Variants in SCFD2 observed in about 807,000 individuals in gnomAD.
SCFD2 encodes sec1 family domain-containing protein 2.
A neutral mutation model predicts 58.9 loss-of-function variants in SCFD2; 54 were observed. That is an observed-to-expected ratio of 0.92 (90% CI 0.74 to 1.15). SCFD2 has a LOEUF of 1.15. Among genes scored for constraint, SCFD2 ranks in the 50% most tolerant of loss-of-function variants. The pLI, the probability that SCFD2 is intolerant of heterozygous loss-of-function variation, is 0.00. For synonymous variants in SCFD2, 321 were observed against 335.9 expected (o/e 0.96, Z 0.49); for missense variants, 805 against 836.6 (o/e 0.96, Z 0.47).
chr4:53,258,577 T>C (rs7683382), intron 4 of SCFD2, among the ~76,000 whole-genome samples: 22,751 of 119,284 alleles, frequency 0.19, 2,765 homozygotes, highest in South Asian at 0.31. Flanking sequence ...TATATATATA[T>C]ACACACACAT....
chr4:53,034,811 A>T (rs574260065), intron 5 of SCFD2, among the ~76,000 whole-genome samples: 1 of 152,350 alleles, frequency 6.6e-6, no homozygotes, highest in Admixed American at 6.5e-5. Flanking sequence ...ACCACTGCTC[A>T]ACGAAATAAA....
chr4:53,252,003 A>G (rs1473508044), intron 4 of SCFD2, among the ~76,000 whole-genome samples: 1 of 152,168 alleles, frequency 6.6e-6, no homozygotes, highest in Non-Finnish European at 1.5e-5. Flanking sequence ...TCAGCCCAAA[A>G]TCTCCTTCAG....
intron 2 of SCFD2, among the ~76,000 whole-genome samples, chr4:53,329,596 C>T (rs1357629982): frequency 1.3e-5 from 2 of 151,922 alleles, no homozygotes; most frequent in East Asian, 1.9e-4. Flanking sequence ...CCCATCTGTA[C>T]ATCACCATCA....
At chr4:53,326,794 T>C (rs1417190076) in intron 2 of SCFD2, among the ~76,000 whole-genome samples, 1 of 152,206 alleles carries the variant, frequency 6.6e-6, no homozygotes, top group Non-Finnish European at 1.5e-5. Context: ...GTTAGCAAGT[T>C]GATTTTCATA....
chr4:53,002,260 T>C lies in SCFD2; in HGVS notation c.1562-81390A>G, dbSNP rs182671673. On this transcript the variant is annotated intron_variant, in intron 5 of 8. Coordinates refer to ENST00000401642, the MANE Select transcript of SCFD2 (RefSeq NM_152540.4). ...TATCTCCCTTTCTCTTTATAAAGGA[T>C]TTTAGTGGTAAGTAGCTGGATTTCC... 5.9e-5 allele frequency among the ~76,000 whole-genome samples: 9 copies of C among 152,208 alleles called. No homozygotes were observed. The East Asian group carries it at 1.7e-3, about 29-fold the overall frequency.
chr4:53,268,502 G>C (rs1255888611), intron 4 of SCFD2, among the ~76,000 whole-genome samples: 1 of 152,154 alleles, frequency 6.6e-6, no homozygotes, highest in Non-Finnish European at 1.5e-5. Context: ...CCAGGATGCG[G>C]TGTAGGACTC....
Position 52,929,270 on chromosome 4 carries a change from A to G in SCFD2, c.1562-8400T>C, listed in dbSNP as rs560033341. Among the ~76,000 whole-genome samples, 3 of 152,326 alleles carry G rather than the reference A, an allele frequency of 2.0e-5. No individual in the cohort carries two copies. The East Asian group carries it at 5.8e-4, about 29-fold the overall frequency. ...AGTGCCAGGATAGGGTGGTGGATTC[A>G]TGGGTGTTTATTATATAAGTATGTT... On this transcript the variant is annotated intron_variant, in intron 5 of 8. Transcript: ENST00000401642.
intron 7 of SCFD2, among the ~76,000 whole-genome samples, chr4:52,890,506 C>G (rs1718857332): frequency 6.6e-6 from 1 of 152,200 alleles, no homozygotes; most frequent in South Asian, 2.1e-4. Flanking sequence ...CCTTTTCCAT[C>G]AGAATAACAC....
At chr4:53,363,617 C>A (rs1157205908) in intron 1 of SCFD2, among the ~76,000 whole-genome samples, 1 of 151,848 alleles carries the variant, frequency 6.6e-6, no homozygotes, top group Non-Finnish European at 1.5e-5. Flanking sequence ...GTGGATCACG[C>A]GAGGTCAGGA....
chr4:53,262,432 T>G lies in SCFD2; in HGVS notation c.1311+11394A>C, dbSNP rs574597789. Reference sequence around the variant, plus strand: ...GATTTAGAACTCCTTTCAGCAGTCTTGTAGTGCTGGCTTGCAGTGGTGAAT... The same window carrying G: ...GATTTAGAACTCCTTTCAGCAGTCTGGTAGTGCTGGCTTGCAGTGGTGAAT... On this transcript the variant is annotated intron_variant, in intron 4 of 8. Transcript: ENST00000401642. 3.9e-5 allele frequency among the ~76,000 whole-genome samples: 6 copies of G among 152,340 alleles called. No homozygotes were observed. In the East Asian group the frequency reaches 1.2e-3, roughly 29 times the overall value.
At chr4:53,300,414 A>G (rs1310124185) in intron 3 of SCFD2, among the ~76,000 whole-genome samples, 1 of 152,232 alleles carries the variant, frequency 6.6e-6, no homozygotes, top group African/African-American at 2.4e-5. Flanking sequence ...CTAAATATAT[A>G]TGCACCCAAT....
chr4:52,929,835 C>A (rs1036730846), intron 5 of SCFD2, among the ~76,000 whole-genome samples: 1 of 152,138 alleles, frequency 6.6e-6, no homozygotes, highest in African/African-American at 2.4e-5. Flanking sequence ...GGGAGAACTG[C>A]AAACCACTGC....
At chr4:53,012,024 G>C (rs1186658829) in intron 5 of SCFD2, among the ~76,000 whole-genome samples, 1 of 138,216 alleles carries the variant, frequency 7.2e-6, no homozygotes, top group Non-Finnish European at 1.5e-5. Flanking sequence ...TTTTTTAATA[G>C]CTTAACTCCT....
intron 4 of SCFD2, among the ~76,000 whole-genome samples, chr4:53,164,398 G>A (rs1337598279): frequency 6.6e-6 from 1 of 152,092 alleles, no homozygotes; most frequent in Non-Finnish European, 1.5e-5. Flanking sequence ...TATGATGTGC[G>A]CCACAGTAGC....
At chr4:53,143,798 AC>A (rs1726237093) in intron 5 of SCFD2, among the ~76,000 whole-genome samples, 1 of 150,498 alleles carries the variant, frequency 6.6e-6, no homozygotes, top group African/African-American at 2.5e-5. Flanking sequence ...CTAAACATAC[AC>A]ACACACACAC....
At chr4:53,241,066 G>A (rs1407702465) in intron 4 of SCFD2, among the ~76,000 whole-genome samples, 1 of 152,184 alleles carries the variant, frequency 6.6e-6, no homozygotes, top group Non-Finnish European at 1.5e-5. Flanking sequence ...CCAGCACCAG[G>A]ACTTATTTCT....
intron 5 of SCFD2, among the ~76,000 whole-genome samples, chr4:53,012,252 C>CAT (rs1376014899): frequency 6.6e-6 from 1 of 152,068 alleles, no homozygotes; most frequent in Non-Finnish European, 1.5e-5. Flanking sequence ...CGAACAACTG[C>CAT]ATATTTAGCC....
chr4:53,227,039 C>T (rs1488398576), intron 4 of SCFD2, among the ~76,000 whole-genome samples: 3 of 152,152 alleles, frequency 2.0e-5, no homozygotes, highest in African/African-American at 7.2e-5. Flanking sequence ...TCCTGTCATG[C>T]TGTCTTCCTG....
intron 5 of SCFD2, chr4:52,949,392 C>T (rs1477403532): frequency 6.6e-6 from 1 of 152,130 alleles, no homozygotes; most frequent in African/African-American, 2.4e-5. Flanking sequence ...ACTGCACAGG[C>T]CTGTTCTTTA....
Sources: allele counts gnomAD v4.1 joint callset (sites outside exome capture counted in the v4.1 genomes callset), GRCh38; gene constraint gnomAD v4.1.1; transcripts MANE v1.5; gene names NCBI Gene and HGNC (gene_info 2026-07-23, HGNC 2026-07-21).